The following USP49 variants were observed in gnomAD, a reference collection of about 807,000 sequenced individuals.
The protein encoded by USP49 is ubiquitin specific peptidase 49.
USP49 carries 24 observed loss-of-function variants against 58.6 expected under a neutral mutation model. The observed-to-expected ratio is 0.41, with a 90% confidence interval of 0.30 to 0.58. The LOEUF (loss-of-function observed/expected upper bound fraction) is 0.58, where lower values mean the gene tolerates loss of function less well. Among genes scored for constraint, USP49 ranks in the 20% least tolerant of loss-of-function variants. The pLI, the probability that USP49 is intolerant of heterozygous loss-of-function variation, is 0.30. For synonymous variants in USP49, 408 were observed against 365.1 expected (o/e 1.12, Z -1.34); for missense variants, 703 against 866.1 (o/e 0.81, Z 2.36).
chr6:41,845,394 C>T lies in USP49; in HGVS notation c.-29+26170G>A, dbSNP rs190005547. On this transcript the variant is annotated intron_variant, in intron 3 of 7. Transcript: ENST00000682992. The stretch of plus-strand genomic sequence containing the variant: ...ATATAAAATTAGCCGGGTATGGTGG[C>T]GCACACCTGTGGCTACTCGGGAGGC... Among the ~76,000 whole-genome samples, 605 of 152,108 alleles carry T rather than the reference C, an allele frequency of 4.0e-3. 4 individuals are homozygous for T. Among genetic ancestry groups the T allele is most frequent in the African/African-American group, 0.014 (581 of 41,488 alleles).
intron 6 of USP49, 75 bp downstream of exon 6, chr6:41,799,755 T>A: frequency 7.6e-7 from 1 of 1,309,654 alleles, no homozygotes; most frequent in South Asian, 1.2e-5. Context: ...ATAGAAGACA[T>A]TTGCCCTCAC....
At chr6:41,890,088 T>A (rs1774785014) in intron 2 of USP49, among the ~76,000 whole-genome samples, 1 of 152,176 alleles carries the variant, frequency 6.6e-6, no homozygotes, top group Admixed American at 6.5e-5. Flanking sequence ...AATTGTTAAT[T>A]ATTTTTTTTA....
At chr6:41,862,165 T>G (rs959859714) in intron 3 of USP49, among the ~76,000 whole-genome samples, 2 of 152,168 alleles carry the variant, frequency 1.3e-5, no homozygotes, top group African/African-American at 4.8e-5. Context: ...CTTACACAAG[T>G]GCATCTATGA....
chr6:41,869,847 CA>C (rs1774384416), intron 3 of USP49: 1 of 152,064 alleles, frequency 6.6e-6, no homozygotes, highest in African/African-American at 2.4e-5. Flanking sequence ...GATACTTTTA[CA>C]GGCAAGATGA....
At chr6:41,796,970 G>T (rs1164248397) in intron 7 of USP49, among the ~76,000 whole-genome samples, 13 of 114,226 alleles carry the variant, frequency 1.1e-4, no homozygotes, top group African/African-American at 3.1e-4. Context: ...TTTTTTTTGA[G>T]ACAGAGTCTC....
chr6:41,849,777 T>C (rs1468134477), intron 3 of USP49, among the ~76,000 whole-genome samples: 2 of 152,096 alleles, frequency 1.3e-5, no homozygotes, highest in Non-Finnish European at 2.9e-5. Flanking sequence ...CCAGCTAATT[T>C]TTTGTATTTT....
At chr6:41,860,936 C>T (rs1183451838) in intron 3 of USP49, among the ~76,000 whole-genome samples, 2 of 151,946 alleles carry the variant, frequency 1.3e-5, no homozygotes, top group African/African-American at 4.8e-5. Context: ...TCGAGACCAG[C>T]CTGGACAAGA....
intron 3 of USP49, among the ~76,000 whole-genome samples, chr6:41,820,468 TG>T (rs1376876350): frequency 1.3e-5 from 2 of 152,162 alleles, no homozygotes; most frequent in African/African-American, 2.4e-5. Context: ...ATAATGGTGC[TG>T]TGGTTCCATT....
At chr6:41,809,547 CCGGGTA>C (rs953594548) in intron 3 of USP49, among the ~76,000 whole-genome samples, 1 of 149,196 alleles carries the variant, frequency 6.7e-6, no homozygotes, top group Admixed American at 6.7e-5. Context: ...ATAAAATAGG[CCGGGTA>C]CGGTGGCTCA....
At chr6:41,824,697 ACT>A (rs567469716) in intron 3 of USP49, among the ~76,000 whole-genome samples, 225 of 152,268 alleles carry the variant, frequency 1.5e-3, no homozygotes, top group African/African-American at 5.3e-3. Context: ...CAAGAGCGAA[ACT>A]CTGTCTCCAA....
intron 3 of USP49, among the ~76,000 whole-genome samples, chr6:41,866,799 G>A (rs1774327074): frequency 6.6e-6 from 1 of 152,122 alleles, no homozygotes; most frequent in Non-Finnish European, 1.5e-5. Flanking sequence ...AGAGAACGAG[G>A]GTAGAAATTC....
intron 3 of USP49, among the ~76,000 whole-genome samples, chr6:41,866,523 T>C (rs1438497624): frequency 6.6e-6 from 1 of 152,184 alleles, no homozygotes; most frequent in East Asian, 1.9e-4. Flanking sequence ...GAGCAACTCA[T>C]ACAAACAACA....
chr6:41,886,509 A>G (rs1242329433), intron 2 of USP49: 1 of 152,188 alleles, frequency 6.6e-6, no homozygotes, highest in Non-Finnish European at 1.5e-5. Context: ...TCTAACAGGG[A>G]CTTTGACCTT....
chr6:41,800,330 T>C (rs1283281460), intron 5 of USP49, among the ~76,000 whole-genome samples: 1 of 152,252 alleles, frequency 6.6e-6, no homozygotes, highest in African/African-American at 2.4e-5. Flanking sequence ...GGGTCACTGA[T>C]GACCATGCAG....
At chr6:41,864,645 T>C (rs946539987) in intron 3 of USP49, among the ~76,000 whole-genome samples, 1 of 152,214 alleles carries the variant, frequency 6.6e-6, no homozygotes, top group African/African-American at 2.4e-5. Context: ...AAAAATTCTA[T>C]TAAAGTATAT....
chr6:41,808,609 A>C (rs1275069106), intron 3 of USP49, among the ~76,000 whole-genome samples: 1 of 151,978 alleles, frequency 6.6e-6, no homozygotes, highest in Non-Finnish European at 1.5e-5. Flanking sequence ...ACAGGGTTTC[A>C]CCATGTTGAC....
In USP49 at chr6:41,893,502, T is replaced by C. The variant is rs74895792; in HGVS notation, c.-184-1627A>G. ...GTGCGTTCTCCATTGAAAATGAAAA[T>C]GCTGTCCATAAAACACAGCCCAGCA... On this transcript the variant is annotated intron_variant, in intron 1 of 7. Coordinates refer to ENST00000682992, the MANE Select transcript of USP49 (RefSeq NM_001286554.2). Among the ~76,000 whole-genome samples the C allele has an allele frequency of 7.5e-3, 1,139 of 152,146 alleles. 52 individuals carry two copies. In the East Asian group the frequency reaches 0.13, roughly 18 times the overall value.
chr6:41,805,922 G>A lies in USP49; in HGVS notation c.1062C>T (p.His354=), dbSNP rs531066799. ...TGTGCAGTTCACGGCAGAGGGAAAT[G>A]TGCTTTGAACTCGGCTCCTTGTTCT... ...LIQNKEPSSK[H]ISLCRELHTL... Residue 354 remains histidine (H), a synonymous_variant, in exon 4 of 8, where the codon CAC becomes CAT. Coordinates refer to ENST00000682992, the MANE Select transcript of USP49 (RefSeq NM_001286554.2). 4.3e-6 allele frequency: 7 copies of A among 1,614,032 alleles called. No homozygotes were observed. Among genetic ancestry groups the A allele is most frequent in the Non-Finnish European group, 5.9e-6 (7 of 1,180,040 alleles).
At chr6:41,819,417 C>T (rs748589857) in intron 3 of USP49, among the ~76,000 whole-genome samples, 14 of 151,842 alleles carry the variant, frequency 9.2e-5, no homozygotes, top group Non-Finnish European at 1.8e-4. Context: ...CTGTAGTATG[C>T]CTCTCTAACG....
Sources: gnomAD v4.1 joint callset for allele counts (sites outside exome capture counted in the v4.1 genomes callset) on GRCh38, gnomAD v4.1.1 for gene constraint, MANE v1.5 for transcripts, NCBI Gene and HGNC (gene_info 2026-07-23, HGNC 2026-07-21) for gene names.